RSU1: variants seen among roughly 807,000 people sequenced by gnomAD.
RSU1 encodes the protein rsu-1.
Under a neutral mutation model 31.1 loss-of-function variants are expected in RSU1, and 26 were observed. The observed-to-expected ratio is 0.84, with a 90% CI of 0.61 to 1.16. The LOEUF is 1.16. RSU1 is among the 50% of genes most tolerant of loss of function. The pLI is 0.00. For synonymous variants in RSU1, 164 were observed against 136.3 expected (o/e 1.20, Z -1.41); for missense variants, 320 against 339.1 (o/e 0.94, Z 0.44).
intron 7 of RSU1, among the ~76,000 whole-genome samples, chr10:16,719,024 C>T (rs1836201514): frequency 6.6e-6 from 1 of 151,306 alleles, no homozygotes; most frequent in South Asian, 2.1e-4. Flanking sequence ...GCGTAAGGCT[C>T]ATGCCTGTAA....
chr10:16,782,020 G>A lies in RSU1; in HGVS notation c.160+14C>T. ...AAATGTCAGAAACTGTAACAAATGA[G>A]AAACATCACTTACTTGTTAGCTTGT... On this transcript the variant is annotated intron_variant, in intron 3 of 8. Transcript: ENST00000345264. 3 of 1,609,732 alleles carry A rather than the reference G, an allele frequency of 1.9e-6. No homozygotes were observed. The highest frequency in any genetic ancestry group is 2.5e-6 in the Non-Finnish European group (3 of 1,177,076).
chr10:16,700,291 G>A (rs557262304), intron 7 of RSU1, among the ~76,000 whole-genome samples: 20 of 151,964 alleles, frequency 1.3e-4, no homozygotes, highest in South Asian at 6.3e-4. Flanking sequence ...CAAAAGCCAC[G>A]CTCTCTCATT....
intron 7 of RSU1, among the ~76,000 whole-genome samples, chr10:16,734,975 C>T (rs946959820): frequency 2.0e-5 from 3 of 152,138 alleles, no homozygotes; most frequent in African/African-American, 7.2e-5. Flanking sequence ...AAAAGGGCCA[C>T]CCACAAGCCA....
At chr10:16,812,903 T>A (rs140931206) in intron 2 of RSU1, among the ~76,000 whole-genome samples, 166 of 152,188 alleles carry the variant, frequency 1.1e-3, no homozygotes, top group African/African-American at 3.8e-3. Flanking sequence ...TGAAGACAGC[T>A]GCTGCTTGGG....
At chr10:16,766,495 A>C (rs540946148) in intron 3 of RSU1, among the ~76,000 whole-genome samples, 1 of 152,326 alleles carries the variant, frequency 6.6e-6, no homozygotes, top group East Asian at 1.9e-4. Context: ...TGGGTGGACT[A>C]TCTGAGGTCA....
intron 4 of RSU1, among the ~76,000 whole-genome samples, chr10:16,761,008 C>A (rs963560390): frequency 6.6e-6 from 1 of 152,170 alleles, no homozygotes; most frequent in African/African-American, 2.4e-5. Context: ...GTGGTGCGAT[C>A]TCAGTTCACT....
At chr10:16,761,473 G>A (rs1837210451) in intron 4 of RSU1, among the ~76,000 whole-genome samples, 1 of 152,066 alleles carries the variant, frequency 6.6e-6, no homozygotes, top group Admixed American at 6.6e-5. Context: ...CCTCTGACCT[G>A]ACAGCCGCCC....
intron 8 of RSU1, among the ~76,000 whole-genome samples, chr10:16,619,929 AAAAACAAACC>A (rs1834040017): frequency 6.6e-6 from 1 of 152,222 alleles, no homozygotes; most frequent in Non-Finnish European, 1.5e-5. Context: ...AGGTACTTAA[AAAAACAAACC>A]AGTAACAATC....
At chr10:16,739,124 G>C (rs1406120737) in intron 7 of RSU1, among the ~76,000 whole-genome samples, 3 of 152,074 alleles carry the variant, frequency 2.0e-5, no homozygotes, top group Non-Finnish European at 4.4e-5. Flanking sequence ...ATGGGCATTT[G>C]GGTTGGTTCT....
At chr10:16,613,376 A>G (rs960330660) in intron 8 of RSU1, among the ~76,000 whole-genome samples, 10 of 152,192 alleles carry the variant, frequency 6.6e-5, no homozygotes, top group African/African-American at 2.4e-4. Flanking sequence ...GGTCATGACC[A>G]GCACAATGGT....
chr10:16,752,113 T>C (rs1481284199), intron 7 of RSU1, among the ~76,000 whole-genome samples: 1 of 152,244 alleles, frequency 6.6e-6, no homozygotes, highest in Admixed American at 6.5e-5. Context: ...TTTAACTATT[T>C]GGTAAAAGTT....
At chr10:16,751,516 C>G (rs1303433682) in intron 7 of RSU1, among the ~76,000 whole-genome samples, 3 of 152,220 alleles carry the variant, frequency 2.0e-5, no homozygotes, top group Non-Finnish European at 4.4e-5. Flanking sequence ...CCATTAGCCA[C>G]ATGAGCCTGC....
chr10:16,666,844 C>T (rs1444097364), intron 8 of RSU1, among the ~76,000 whole-genome samples: 1 of 152,002 alleles, frequency 6.6e-6, no homozygotes, highest in Non-Finnish European at 1.5e-5. Flanking sequence ...CAAAAATTAT[C>T]CAGGCATGGT....
chr10:16,674,317 G>T (rs1280307145), intron 8 of RSU1, among the ~76,000 whole-genome samples: 6 of 152,014 alleles, frequency 3.9e-5, no homozygotes, highest in African/African-American at 1.4e-4. Flanking sequence ...GATGGAAGTG[G>T]CAGTAATAAT....
At chr10:16,774,986 G>T (rs1837497833) in intron 3 of RSU1, among the ~76,000 whole-genome samples, 1 of 152,056 alleles carries the variant, frequency 6.6e-6, no homozygotes, top group East Asian at 1.9e-4. Flanking sequence ...TCAGGTTACA[G>T]TGAGCTAGGA....
At chr10:16,677,646 T>C (rs1239555953) in intron 8 of RSU1, among the ~76,000 whole-genome samples, 1 of 152,232 alleles carries the variant, frequency 6.6e-6, no homozygotes, top group Admixed American at 6.5e-5. Flanking sequence ...GAGAATATTT[T>C]TACTTTATGG....
At chr10:16,691,722 C>CTT (rs58786188) in intron 8 of RSU1, among the ~76,000 whole-genome samples, 12 of 106,070 alleles carry the variant, frequency 1.1e-4, no homozygotes, top group South Asian at 1.0e-3. Flanking sequence ...GCTGCTGCTT[C>CTT]TTTTTTTTTT....
chr10:16,626,782 G>A (rs559084815), intron 8 of RSU1, among the ~76,000 whole-genome samples: 14 of 152,270 alleles, frequency 9.2e-5, no homozygotes, highest in East Asian at 3.9e-4. Context: ...GTTCATGATC[G>A]ATCTCATGTA....
At chr10:16,738,627 G>A (rs1020685161) in intron 7 of RSU1, among the ~76,000 whole-genome samples, 1 of 152,048 alleles carries the variant, frequency 6.6e-6, no homozygotes, top group Non-Finnish European at 1.5e-5. Flanking sequence ...TCAAAGGGGG[G>A]AAAAATGGAA....
Sources: gnomAD v4.1 joint callset for allele counts (sites outside exome capture counted in the v4.1 genomes callset) on GRCh38, gnomAD v4.1.1 for gene constraint, MANE v1.5 for transcripts, NCBI Gene and HGNC (gene_info 2026-07-23, HGNC 2026-07-21) for gene names.